The following OTOG variants were observed in gnomAD, a reference collection of about 807,000 sequenced individuals.
The protein encoded by OTOG is otogelin.
In OTOG, 296 loss-of-function variants were observed where a neutral mutation model predicts 313.8. That is an observed-to-expected ratio of 0.94 (90% CI 0.86 to 1.04). The LOEUF (loss-of-function observed/expected upper bound fraction) is 1.04. Ranked by LOEUF, OTOG falls within the 50% of genes least tolerant of loss-of-function variation. The probability of loss-of-function intolerance (pLI) is 0.00; values close to 1 mark genes in which losing one functional copy is unlikely to be tolerated. For synonymous variants in OTOG, 1,533 were observed against 1,554.9 expected (o/e 0.99, Z 0.33); for missense variants, 3,948 against 3,840.1 (o/e 1.03, Z -0.74).
chr11:17,613,811 G>C, intron 39 of OTOG, 110 bp downstream of exon 39: 1 of 840,864 alleles, frequency 1.2e-6, no homozygotes, highest in South Asian at 1.6e-5. Context: ...GGGCAGGGGT[G>C]GGGAGGGGAC....
At position 17,573,112 on chromosome 11, in the gene OTOG, G is replaced by A. The variant is rs976550378; in HGVS notation, c.2115G>A (p.Thr705=). 2.2e-5 allele frequency: 34 copies of A among 1,547,914 alleles called. No homozygotes were observed. The Admixed American group carries it at 2.4e-4, about 11-fold the overall frequency. The change falls in exon 19 of 56, where the codon ACG becomes ACA. Residue 705 remains threonine (T), a synonymous_variant. Transcript: ENST00000399397. The part of the protein sequence containing the change: ...SYSVQACSVL[T]GEMFAPCSAF... ...CAGTGCAGGCCTGCAGCGTGCTCACGGGGGAGATGTTTGCGCCCTGCTCTG... is the reference window on the plus strand; with the variant it reads ...CAGTGCAGGCCTGCAGCGTGCTCACAGGGGAGATGTTTGCGCCCTGCTCTG...
intron 38 of OTOG, among the ~76,000 whole-genome samples, 173 bp downstream of exon 38, chr11:17,612,938 G>T (rs1009599184): frequency 2.0e-5 from 3 of 152,186 alleles, no homozygotes; most frequent in Non-Finnish European, 4.4e-5. Flanking sequence ...TCCCTTGGAG[G>T]CTGGGGAAAG....
intron 6 of OTOG, 26 bp downstream of exon 6, chr11:17,553,545 C>G (rs1459471817): frequency 7.1e-7 from 1 of 1,414,564 alleles, no homozygotes; most frequent in Non-Finnish European, 9.2e-7. Context: ...CCTTGCCTGT[C>G]CAGGAATGCT....
intron 33 of OTOG, among the ~76,000 whole-genome samples, chr11:17,607,208 T>A (rs1182948082): frequency 6.6e-6 from 1 of 152,258 alleles, no homozygotes; most frequent in African/African-American, 2.4e-5. Context: ...GTTAGACTTT[T>A]GGAAAAGCAG....
At chr11:17,632,274 TCCC>T in intron 42 of OTOG, 48 bp downstream of exon 42, 1 of 1,515,896 alleles carries the variant, frequency 6.6e-7, no homozygotes, top group Admixed American at 2.0e-5. Flanking sequence ...ATTGTTCCCA[TCCC>T]CTGTTAAAGT....
intron 24 of OTOG, among the ~76,000 whole-genome samples, chr11:17,588,426 C>T (rs914243787): frequency 2.0e-5 from 3 of 151,664 alleles, no homozygotes; most frequent in Non-Finnish European, 2.9e-5. Flanking sequence ...TCACCATGGT[C>T]GGCAGCATGG....
In OTOG at chr11:17,606,036, A is replaced by T; in HGVS notation, c.4057A>T (p.Lys1353Ter). The T allele has an allele frequency of 1.3e-6, 2 of 1,550,538 alleles. No homozygotes were observed. The highest frequency in any genetic ancestry group is 2.4e-5 in the South Asian group (2 of 84,054). Residue 1353 changes from lysine (K) to a stop codon, truncating the protein, a stop_gained, in exon 33 of 56, where the codon AAG becomes TAG. Coordinates refer to ENST00000399397, the MANE Select transcript of OTOG (RefSeq NM_001292063.2). LOFTEE classifies it high-confidence loss of function. Reference sequence around the variant, plus strand: ...CCTGGTGGCCCTGGAGTCCCTGGCCAAGCCCAGCTCCTTCCTCTATGTGTC... The same window carrying T: ...CCTGGTGGCCCTGGAGTCCCTGGCCTAGCCCAGCTCCTTCCTCTATGTGTC... ...AGLVALESLA[K>*]PSSFLYVSGA...
chr11:17,593,890 C>A (rs1182273416), intron 27 of OTOG, 134 bp downstream of exon 27: 4 of 1,396,876 alleles, frequency 2.9e-6, no homozygotes, highest in East Asian at 2.5e-5. Flanking sequence ...CTGCTCTGGG[C>A]CCCTTCTCCT....
chr11:17,609,138 G>C lies in OTOG; in HGVS notation c.4283G>C (p.Gly1428Ala), dbSNP rs772211291. Reference protein sequence around the residue: ...ASCRDVPRVEGCVPVCPTPQV... With the variant: ...ASCRDVPRVEACVPVCPTPQV... ...CCCTGCTCTGTCCTCAGGGTAGAAG[G>C]CTGTGTCCCTGTGTGCCCCACCCCC... is the stretch of plus-strand genomic sequence containing the variant. Residue 1428 changes from glycine to alanine, a missense_variant, in exon 35 of 56, where the codon GGC (glycine) becomes GCC (alanine). Physicochemically the swap from Gly to Ala is moderately conservative, Grantham distance 60. Transcript: ENST00000399397. 3 of 1,550,366 alleles carry C rather than the reference G, an allele frequency of 1.9e-6. No homozygotes were observed. The highest frequency in any genetic ancestry group is 1.7e-6 in the Non-Finnish European group (2 of 1,146,872).
At chr11:17,563,683 C>T (rs902141033) in intron 15 of OTOG, among the ~76,000 whole-genome samples, 1 of 145,156 alleles carries the variant, frequency 6.9e-6, no homozygotes, top group Non-Finnish European at 1.5e-5. Context: ...ACTCAGAATC[C>T]CCCCCTTTTT....
chr11:17,584,800 A>G (rs1310416535), intron 23 of OTOG, among the ~76,000 whole-genome samples: 1 of 152,274 alleles, frequency 6.6e-6, no homozygotes, highest in Non-Finnish European at 1.5e-5. Context: ...TGCTGGGATT[A>G]TAAACATGAG....
intron 23 of OTOG, among the ~76,000 whole-genome samples, chr11:17,582,715 G>C (rs1227777276): frequency 1.3e-5 from 2 of 152,162 alleles, no homozygotes; most frequent in African/African-American, 4.8e-5. Flanking sequence ...CCTAATGACT[G>C]TGAGTAATTT....
intron 32 of OTOG, 32 bp from the exon 33 acceptor site, chr11:17,605,825 T>C (rs1303096571): frequency 1.3e-6 from 2 of 1,508,642 alleles, no homozygotes; most frequent in Admixed American, 4.1e-5. Context: ...GACCTCTGCC[T>C]GTACTGACTC....
intron 37 of OTOG, 36 bp downstream of exon 37, chr11:17,612,366 C>T (rs957060383): frequency 4.7e-6 from 7 of 1,494,714 alleles, no homozygotes; most frequent in Non-Finnish European, 6.2e-6. Flanking sequence ...CCTGCATCCT[C>T]CCTGTATCCT....
At chr11:17,635,780 C>A in intron 47 of OTOG, 69 bp downstream of exon 47, 1 of 1,290,532 alleles carries the variant, frequency 7.7e-7, no homozygotes, top group South Asian at 1.3e-5. Flanking sequence ...CCACCCCGGA[C>A]CAATGGGGGT....
chr11:17,551,856 G>T (rs941150878), intron 3 of OTOG, 144 bp from the exon 4 acceptor site: 6 of 683,976 alleles, frequency 8.8e-6, no homozygotes, highest in East Asian at 2.8e-5. Context: ...GGGGCCAGGC[G>T]AGGAGGAGTG....
intron 16 of OTOG, 144 bp from the exon 17 acceptor site, chr11:17,570,069 A>ATGGCAGGC: frequency 1.4e-6 from 1 of 717,666 alleles, no homozygotes; most frequent in Non-Finnish European, 2.3e-6. Context: ...TACCAGCTTC[A>ATGGCAGGC]TGGCAGGCAC....
At chr11:17,560,381 A>C (rs900244926) in intron 12 of OTOG, among the ~76,000 whole-genome samples, 9 of 152,142 alleles carry the variant, frequency 5.9e-5, no homozygotes, top group African/African-American at 2.2e-4. Flanking sequence ...TTGTCAGGGA[A>C]GTCATTCCTG....
At chr11:17,627,893 T>C (rs1014150442) in intron 39 of OTOG, among the ~76,000 whole-genome samples, 1 of 152,184 alleles carries the variant, frequency 6.6e-6, no homozygotes, top group African/African-American at 2.4e-5. Flanking sequence ...CTGCTAATGA[T>C]CCTTTGAATT....
Sources: allele counts gnomAD v4.1 joint callset (sites outside exome capture counted in the v4.1 genomes callset), GRCh38; gene constraint gnomAD v4.1.1; transcripts MANE v1.5; gene names NCBI Gene and HGNC (gene_info 2026-07-23, HGNC 2026-07-21).